Variants in EIF2B1 observed in about 807,000 individuals in gnomAD.
The protein encoded by EIF2B1 is translation initiation factor eIF2B subunit alpha.
Under a neutral mutation model 36.8 loss-of-function variants are expected in EIF2B1, and 30 were observed. That is an observed-to-expected ratio of 0.81 (90% CI 0.61 to 1.10). The LOEUF (loss-of-function observed/expected upper bound fraction) is 1.10, where lower values mean the gene tolerates loss of function less well. Ranked by LOEUF, EIF2B1 falls within the 50% of genes least tolerant of loss-of-function variation. The pLI is 0.00. For synonymous variants in EIF2B1, 139 were observed against 142.2 expected (o/e 0.98, Z 0.16); for missense variants, 271 against 374.8 (o/e 0.72, Z 2.29).
At position 123,620,576 on chromosome 12, in the gene EIF2B1, CATATT is replaced by C. The variant is rs1226138918; in HGVS notation, c.*1175_*1179del. On this transcript the variant is annotated 3_prime_UTR_variant, in exon 9 of 9. Transcript: ENST00000424014. Reference sequence around the variant, plus strand: ...GATGGGTCACATATAGACATATGTACATATTATATATATATATATATATATATATA... The same window carrying C: ...GATGGGTCACATATAGACATATGTACATATATATATATATATATATATATA... 4 of 59,644 alleles carry C rather than the reference CATATT, an allele frequency of 6.7e-5. No individual in the cohort carries two copies. Among genetic ancestry groups the C allele is most frequent in the Admixed American group, 2.2e-4 (1 of 4,566 alleles). The allele number at this position is 59,644 out of a possible 1,614,324, so 3.7% of individuals were successfully genotyped here. A position where few individuals can be genotyped will look rare whatever the true frequency, so the allele number is the denominator to read the frequency against.
chr12:123,625,388 AC>A (rs1955140769), intron 6 of EIF2B1, among the ~76,000 whole-genome samples: 1 of 151,942 alleles, frequency 6.6e-6, no homozygotes, highest in Admixed American at 6.6e-5. Context: ...GGTAGCTGGG[AC>A]CACAGCATAT....
rs771407602 is a variant in EIF2B1 at position 123,632,382 on chromosome 12, G to A, written c.78C>T (p.Ala26=). 7 of 1,613,774 alleles carry A rather than the reference G, an allele frequency of 4.3e-6. No individual in the cohort carries two copies. In the Admixed American group the frequency reaches 5.0e-5, roughly 12 times the overall value. Residue 26 remains alanine, a synonymous_variant, in exon 2 of 9, where the codon GCC becomes GCT. Transcript: ENST00000424014. ...EDPDMASAVA[A]IRTLLEFLKR... ...TCAAGAACTCCAGCAACGTCCGGAT[G>A]GCAGCCACTGCTGAGGCCATGTCAG...
At chr12:123,631,942 C>G (rs1461902823) in intron 2 of EIF2B1, among the ~76,000 whole-genome samples, 2 of 151,712 alleles carry the variant, frequency 1.3e-5, no homozygotes, top group African/African-American at 4.8e-5. Context: ...CCATTGCACT[C>G]CAGCCTGGGA....
chr12:123,624,553 C>G (rs1955133943), intron 7 of EIF2B1, among the ~76,000 whole-genome samples: 1 of 152,162 alleles, frequency 6.6e-6, no homozygotes, highest in South Asian at 2.1e-4. Context: ...AGGCATCACA[C>G]CTGACCAAAT....
In EIF2B1 at chr12:123,630,620, T is replaced by TGA; in HGVS notation, c.116-88_116-87insTC. On this transcript the variant is annotated intron_variant, in intron 2 of 8. Coordinates refer to ENST00000424014, the MANE Select transcript of EIF2B1 (RefSeq NM_001414.4). This position sits in a 1 kb window ranked among gnomAD's most constrained non-coding sequence, Gnocchi z 4.6. ...TCAATTCATTCATTCATTCAGTGAA[T>TGA]ATTTACTAGGTACATACTATATACC... The TGA allele has an allele frequency of 6.4e-7, 1 of 1,563,520 alleles. No homozygotes were observed. The highest frequency in any genetic ancestry group is 8.7e-7 in the Non-Finnish European group (1 of 1,147,982).
At position 123,621,855 on chromosome 12, in the gene EIF2B1, G is replaced by C. The variant is rs138684204; in HGVS notation, c.819C>G (p.Val273=). ...TGATTAAGGAAGGGGCAGTGTAGTC[G>C]ACCCACGGATGCTCCTCTTTGAGGT... ...GQDLKEEHPW[V]DYTAPSLITL... Residue 273 remains valine (V), a synonymous_variant, in exon 9 of 9, where the codon GTC becomes GTG. Transcript: ENST00000424014. 3.1e-6 allele frequency: 5 copies of C among 1,613,908 alleles called. No individual in the cohort carries two copies. Among genetic ancestry groups the C allele is most frequent in the Non-Finnish European group, 3.4e-6 (4 of 1,180,024 alleles).
chr12:123,622,996 TATAG>T (rs1229499924), intron 7 of EIF2B1, among the ~76,000 whole-genome samples: 3 of 152,066 alleles, frequency 2.0e-5, no homozygotes, highest in African/African-American at 7.2e-5. Flanking sequence ...ATGTATATAA[TATAG>T]ATATACATAT....
Position 123,620,628 on chromosome 12 carries a change from A to ATATATATATAT in EIF2B1, c.*1127_*1128insATATATATATA, listed in dbSNP as rs1955073997. ...TATATATATATATATATATATATAT[A>ATATATATATAT]AGCTCTTTTTTCTGAGGCTATTTTA... On this transcript the variant is annotated 3_prime_UTR_variant, in exon 9 of 9. Transcript: ENST00000424014. The ATATATATATAT allele has an allele frequency of 1.3e-4, 12 of 93,038 alleles. No individual in the cohort carries two copies. Among genetic ancestry groups the ATATATATATAT allele is most frequent in the Non-Finnish European group, 2.0e-4 (9 of 44,800 alleles). The allele number at this position is 93,038 out of a possible 1,614,324, so 5.8% of individuals were successfully genotyped here. A position where few individuals can be genotyped will look rare whatever the true frequency, so the allele number is the denominator to read the frequency against.
rs747945643 is a variant in EIF2B1 at position 123,632,544 on chromosome 12, TA to T, written c.14-99del. The stretch of plus-strand genomic sequence containing the variant: ...TGTTGACTTTAAGAAGCAAACAATT[TA>T]AAAAATACTTTCTTTTTAGGGTATT... On this transcript the variant is annotated intron_variant, in intron 1 of 8. Transcript: ENST00000424014. 5.4e-4 allele frequency: 452 copies of T among 838,476 alleles called. 1 individual carries two copies. Among genetic ancestry groups the T allele is most frequent in the Non-Finnish European group, 8.2e-4 (405 of 492,434 alleles). 51.9% of individuals were successfully genotyped at this position (838,476 alleles called of 1,614,324 possible). A position where few individuals can be genotyped will look rare whatever the true frequency, so the allele number is the denominator to read the frequency against.
rs1566211530 is a variant in EIF2B1 at position 123,620,617 on chromosome 12, T to TAA, written c.*1138_*1139insTT. On this transcript the variant is annotated 3_prime_UTR_variant, in exon 9 of 9. Coordinates refer to ENST00000424014, the MANE Select transcript of EIF2B1 (RefSeq NM_001414.4). ...ATATATATATATATATATATATATA[T>TAA]ATATATATATAAGCTCTTTTTTCTG... is the stretch of plus-strand genomic sequence containing the variant. The TAA allele has an allele frequency of 4.1e-5, 5 of 122,814 alleles. No homozygotes were observed. Among genetic ancestry groups the TAA allele is most frequent in the African/African-American group, 1.7e-4 (5 of 29,158 alleles). The allele number at this position is 122,814 out of a possible 1,614,324, so 7.6% of individuals were successfully genotyped here.
intron 1 of EIF2B1, among the ~76,000 whole-genome samples, chr12:123,633,140 A>G (rs918752104): frequency 6.4e-5 from 9 of 140,562 alleles, no homozygotes; most frequent in African/African-American, 1.5e-4. Context: ...ACATACACAT[A>G]TATGTTACAA....
Position 123,622,768 on chromosome 12 carries a change from A to C in EIF2B1, c.628-7T>G. 2 of 1,613,670 alleles carry C rather than the reference A, an allele frequency of 1.2e-6. No individual in the cohort carries two copies. Among genetic ancestry groups the C allele is most frequent in the Non-Finnish European group, 1.7e-6 (2 of 1,179,698 alleles). On this transcript the variant is annotated splice_polypyrimidine_tract_variant and splice_region_variant and intron_variant, in intron 7 of 8. Coordinates refer to ENST00000424014, the MANE Select transcript of EIF2B1 (RefSeq NM_001414.4). ...CCATCTGGTTGGTTCCAATCTGGGAAGGCAGAAAATGGAATGGATGAGCTC... is the reference window on the plus strand; with the variant it reads ...CCATCTGGTTGGTTCCAATCTGGGACGGCAGAAAATGGAATGGATGAGCTC...
intron 2 of EIF2B1, 44 bp downstream of exon 2, chr12:123,632,301 A>G (rs751265482): frequency 2.4e-6 from 3 of 1,237,958 alleles, no homozygotes; most frequent in South Asian, 2.6e-5. Context: ...GAAAAAAAAG[A>G]CTATCCTAAG....
At chr12:123,628,740 T>C (rs1001927018) in intron 4 of EIF2B1, among the ~76,000 whole-genome samples, 1 of 152,152 alleles carries the variant, frequency 6.6e-6, no homozygotes. Context: ...CTAGCTCCTT[T>C]CTGGGTCTCA....
chr12:123,627,596 C>T (rs1348202061), intron 4 of EIF2B1, among the ~76,000 whole-genome samples: 1 of 152,218 alleles, frequency 6.6e-6, no homozygotes, highest in Non-Finnish European at 1.5e-5. Context: ...CCTGTAATCC[C>T]AGCATTTTGG....
chr12:123,630,547 A>G lies in EIF2B1; in HGVS notation c.116-14T>C. The G allele has an allele frequency of 6.2e-7, 1 of 1,610,994 alleles. No individual in the cohort carries two copies. The highest frequency in any genetic ancestry group is 1.1e-5 in the South Asian group (1 of 91,078). On this transcript the variant is annotated splice_polypyrimidine_tract_variant and intron_variant, in intron 2 of 8. Coordinates refer to ENST00000424014, the MANE Select transcript of EIF2B1 (RefSeq NM_001414.4). The surrounding 1 kb of genome is among the most constrained non-coding windows in gnomAD (Gnocchi z 4.6). ...GGATTGTCTCCCCTGGAATGATCCAACAAGGAATGTGATGTTCACATTAGG... is the reference window on the plus strand; with the variant it reads ...GGATTGTCTCCCCTGGAATGATCCAGCAAGGAATGTGATGTTCACATTAGG...
At chr12:123,623,574 G>GC (rs1955124510) in intron 7 of EIF2B1, among the ~76,000 whole-genome samples, 1 of 151,978 alleles carries the variant, frequency 6.6e-6, no homozygotes, top group South Asian at 2.1e-4. Flanking sequence ...CCAGGTTCAA[G>GC]CGATTCTCCT....
rs1955087541 is a variant in EIF2B1, at chr12:123,621,048, G to A, written c.*708C>T. ...TCAGCGTCTTTCATAGAGTTTATTT[G>A]AAAAGATGCTGAATTTATTCCCAAG... On this transcript the variant is annotated 3_prime_UTR_variant, in exon 9 of 9. Transcript: ENST00000424014. 6.5e-6 allele frequency: 1 copy of A among 154,516 alleles called. No individual in the cohort carries two copies. Among genetic ancestry groups the A allele is most frequent in the Admixed American group, 6.4e-5 (1 of 15,714 alleles). The allele number at this position is 154,516 out of a possible 1,614,324, so 9.6% of individuals were successfully genotyped here. A position where few individuals can be genotyped will look rare whatever the true frequency, so the allele number is the denominator to read the frequency against.
rs747557144 is a variant in EIF2B1, at chr12:123,621,854, C to G, written c.820G>C (p.Asp274His). Residue 274 changes from aspartate to histidine, a missense_variant, in exon 9 of 9, where the codon GAC becomes CAC. Physicochemically the swap from Asp to His is moderately conservative, Grantham distance 81 (BLOSUM62 -1). Transcript: ENST00000424014. ...QDLKEEHPWV[D>H]YTAPSLITLL... The stretch of plus-strand genomic sequence containing the variant: ...GTGATTAAGGAAGGGGCAGTGTAGT[C>G]GACCCACGGATGCTCCTCTTTGAGG... 1 of 1,613,890 alleles carries G rather than the reference C, an allele frequency of 6.2e-7. No homozygotes were observed. The highest frequency in any genetic ancestry group is 1.3e-5 in the African/African-American group (1 of 74,898).
Sources: gnomAD v4.1 joint callset for allele counts (sites outside exome capture counted in the v4.1 genomes callset) on GRCh38, gnomAD v4.1.1 for gene constraint, Gnocchi (gnomAD v3.1) non-coding constraint, MANE v1.5 for transcripts, NCBI Gene and HGNC (gene_info 2026-07-23, HGNC 2026-07-21) for gene names.